Variants in C20orf203 observed in about 807,000 individuals in gnomAD.
C20orf203 encodes the protein chromosome 20 open reading frame 203.
Under a neutral mutation model 15.9 loss-of-function variants are expected in C20orf203, and 16 were observed. The observed-to-expected ratio is 1.01, with a 90% confidence interval of 0.68 to 1.53. The LOEUF (loss-of-function observed/expected upper bound fraction) is 1.53, where lower values mean the gene tolerates loss of function less well. Among genes scored for constraint, C20orf203 ranks in the 40% most tolerant of loss-of-function variants. The pLI is 0.00. For synonymous variants in C20orf203, 98 were observed against 97.2 expected (o/e 1.01, Z -0.05); for missense variants, 263 against 247.5 (o/e 1.06, Z -0.42).
intron 1 of C20orf203, among the ~76,000 whole-genome samples, chr20:32,655,417 A>G (rs1424383466): frequency 6.6e-6 from 1 of 152,162 alleles, no homozygotes; most frequent in Admixed American, 6.6e-5. Context: ...AATAACTGAC[A>G]ATCATATATC....
chr20:32,645,993 T>G (rs1600929403), intron 4 of C20orf203, among the ~76,000 whole-genome samples: 3 of 149,650 alleles, frequency 2.0e-5, no homozygotes, highest in Admixed American at 2.0e-4. Flanking sequence ...TACCCCAGTT[T>G]CTCCATCTAC....
chr20:32,636,228 C>T (rs1327136035), intron 5 of C20orf203, among the ~76,000 whole-genome samples: 1 of 152,206 alleles, frequency 6.6e-6, no homozygotes, highest in Non-Finnish European at 1.5e-5. Flanking sequence ...TGTTTCCCGC[C>T]TCCAATATCT....
intron 1 of C20orf203, among the ~76,000 whole-genome samples, chr20:32,667,707 A>G (rs552752310): frequency 2.2e-4 from 33 of 152,234 alleles, no homozygotes; most frequent in South Asian, 1.0e-3. Flanking sequence ...GTCTTGCTCT[A>G]TCACCCAGGC....
intron 1 of C20orf203, among the ~76,000 whole-genome samples, chr20:32,672,365 TAC>T (rs1983193421): frequency 6.7e-6 from 1 of 150,354 alleles, no homozygotes; most frequent in South Asian, 2.1e-4. Flanking sequence ...ATAAAATAAA[TAC>T]ACACACATAA....
intron 1 of C20orf203, among the ~76,000 whole-genome samples, chr20:32,669,672 G>A (rs370751055): frequency 2.6e-5 from 4 of 152,262 alleles, no homozygotes; most frequent in South Asian, 2.1e-4. Context: ...AAAATGGATC[G>A]AAGACTTAAG....
At chr20:32,656,012 A>T (rs1568752211) in intron 1 of C20orf203, among the ~76,000 whole-genome samples, 1 of 152,148 alleles carries the variant, frequency 6.6e-6, no homozygotes, top group Non-Finnish European at 1.5e-5. Context: ...TGTCTGAAGG[A>T]GGCTGGCAGT....
intron 1 of C20orf203, among the ~76,000 whole-genome samples, chr20:32,672,513 C>A (rs1983197802): frequency 6.7e-6 from 1 of 148,958 alleles, no homozygotes; most frequent in African/African-American, 2.5e-5. Flanking sequence ...GTCAAGGTTA[C>A]AATGAGCTAT....
chr20:32,640,958 T>C (rs2145662824), intron 4 of C20orf203, among the ~76,000 whole-genome samples: 2 of 152,302 alleles, frequency 1.3e-5, no homozygotes, highest in South Asian at 4.2e-4. Context: ...TATTGTAGCA[T>C]GGATCAGTAT....
At chr20:32,652,975 C>T (rs1366819013) in intron 1 of C20orf203, among the ~76,000 whole-genome samples, 1 of 152,186 alleles carries the variant, frequency 6.6e-6, no homozygotes, top group Non-Finnish European at 1.5e-5. Context: ...GCCAGAGGAG[C>T]GGGCTGGTCT....
intron 1 of C20orf203, among the ~76,000 whole-genome samples, chr20:32,660,546 G>A (rs769527342): frequency 1.2e-4 from 18 of 152,178 alleles, no homozygotes; most frequent in Non-Finnish European, 1.5e-4. Context: ...TCAGCACTGA[G>A]CCTCACAAAA....
chr20:32,648,844 GTT>G (rs1982520516), intron 4 of C20orf203, among the ~76,000 whole-genome samples: 1 of 152,124 alleles, frequency 6.6e-6, no homozygotes, highest in Non-Finnish European at 1.5e-5. Flanking sequence ...CCTTCACCAA[GTT>G]TTTTCTTATG....
rs372768106 is a variant in C20orf203, at chr20:32,633,926, C to T, written c.*1644G>A. ...GTCCGCCTGGACTGGATGCTTCTCC[C>T]GGATCCTGATGCCTGAGCTTCAGCT... is the stretch of plus-strand genomic sequence containing the variant. On this transcript the variant is annotated 3_prime_UTR_variant, in exon 6 of 6. Transcript: ENST00000608990. 4.5e-4 allele frequency: 179 copies of T among 398,084 alleles called. No homozygotes were observed. The highest frequency in any genetic ancestry group is 3.4e-3 in the African/African-American group (164 of 48,754). 24.7% of individuals were successfully genotyped at this position (398,084 alleles called of 1,614,324 possible).
At chr20:32,661,723 A>G (rs1449478966) in intron 1 of C20orf203, among the ~76,000 whole-genome samples, 1 of 152,044 alleles carries the variant, frequency 6.6e-6, no homozygotes, top group Non-Finnish European at 1.5e-5. Context: ...GGACTACTGG[A>G]CGGTCAGCAA....
At chr20:32,667,658 G>A (rs1031104893) in intron 1 of C20orf203, among the ~76,000 whole-genome samples, 2 of 152,166 alleles carry the variant, frequency 1.3e-5, no homozygotes, top group Non-Finnish European at 2.9e-5. Flanking sequence ...TAGAATCACT[G>A]TATTTCTGAG....
At chr20:32,650,922 G>T in intron 3 of C20orf203, 41 bp from the exon 4 acceptor site, 1 of 1,445,614 alleles carries the variant, frequency 6.9e-7, no homozygotes, top group Non-Finnish European at 9.1e-7. Flanking sequence ...TAGAATCTTA[G>T]TACCTGAGAC....
At chr20:32,645,194 C>T (rs1982390736) in intron 4 of C20orf203, among the ~76,000 whole-genome samples, 1 of 152,168 alleles carries the variant, frequency 6.6e-6, no homozygotes, top group South Asian at 2.1e-4. Flanking sequence ...CGAGCTCTTT[C>T]AGCCCCTAGT....
intron 4 of C20orf203, among the ~76,000 whole-genome samples, chr20:32,642,642 T>C (rs1219605720): frequency 6.6e-6 from 1 of 152,152 alleles, no homozygotes; most frequent in East Asian, 1.9e-4. Flanking sequence ...AGGGAACCCA[T>C]AAGCCTATCT....
Position 32,650,635 on chromosome 20 carries a change from C to G in C20orf203, c.382G>C (p.Ala128Pro). Reference protein sequence around the residue: ...RDREVGRGLRAPAGRGRAMGG... With the variant: ...RDREVGRGLRPPAGRGRAMGG... The stretch of plus-strand genomic sequence containing the variant: ...ATTGCCCTCCCCCGCCCAGCAGGGG[C>G]CCGCAGCCCCCTCCCCACTTCCCTA... The change falls in exon 4 of 6, where the codon GCC becomes CCC. Residue 128 changes from alanine to proline, a missense_variant. Coordinates refer to ENST00000608990, the MANE Select transcript of C20orf203 (RefSeq NM_182584.4). 1 of 1,529,718 alleles carries G rather than the reference C, an allele frequency of 6.5e-7. No individual in the cohort carries two copies. The highest frequency in any genetic ancestry group is 8.9e-7 in the Non-Finnish European group (1 of 1,128,566). 94.8% of individuals were successfully genotyped at this position (1,529,718 alleles called of 1,614,324 possible).
intron 4 of C20orf203, among the ~76,000 whole-genome samples, chr20:32,642,767 C>T (rs1982320171): frequency 6.6e-6 from 1 of 152,196 alleles, no homozygotes; most frequent in South Asian, 2.1e-4. Context: ...AGGGCGCCTG[C>T]ATCTTGAACA....
Sources: gnomAD v4.1 joint callset for allele counts (sites outside exome capture counted in the v4.1 genomes callset) on GRCh38, gnomAD v4.1.1 for gene constraint, MANE v1.5 for transcripts, NCBI Gene and HGNC (gene_info 2026-07-23, HGNC 2026-07-21) for gene names.